The following ARHGAP10 variants were observed in gnomAD, a reference collection of about 807,000 sequenced individuals.
ARHGAP10 encodes rho GTPase-activating protein 10.
A neutral mutation model predicts 108.6 loss-of-function variants in ARHGAP10; 87 were observed. The ratio of observed to expected loss-of-function variants is 0.80; its 90% confidence interval spans 0.67 to 0.96. The LOEUF is 0.96. Among genes scored for constraint, ARHGAP10 ranks in the 40% least tolerant of loss-of-function variants. The probability of loss-of-function intolerance (pLI) is 0.00; values close to 1 mark genes in which losing one functional copy is unlikely to be tolerated. For synonymous variants in ARHGAP10, 347 were observed against 341.1 expected, an observed-to-expected ratio of 1.02 and a Z score of -0.19; for missense variants, 939 against 954.5, an observed-to-expected ratio of 0.98 and a Z score of 0.21.
At position 148,059,096 on chromosome 4, in the gene ARHGAP10, A is replaced by G. The variant is rs564429015; in HGVS notation, c.2028-4052A>G. On this transcript the variant is annotated intron_variant, in intron 20 of 22. Transcript: ENST00000336498. ...CTTTTAGTGAAACACTCTTGTTTCTATTTGTCCCCTTTCTTTGAGAAAGAA... is the reference window on the plus strand; with the variant it reads ...CTTTTAGTGAAACACTCTTGTTTCTGTTTGTCCCCTTTCTTTGAGAAAGAA... 9.9e-5 allele frequency among the ~76,000 whole-genome samples: 15 copies of G among 152,282 alleles called. No individual in the cohort carries two copies. In the South Asian group the frequency reaches 3.1e-3, roughly 32 times the overall value.
intron 1 of ARHGAP10, among the ~76,000 whole-genome samples, chr4:147,746,404 CT>C (rs557860855): frequency 0.042 from 5,494 of 131,344 alleles, 193 homozygotes; most frequent in African/African-American, 0.094. Flanking sequence ...GCCAGGCCTG[CT>C]TTTTTTTTTT....
chr4:147,954,671 C>A (rs1211152117), intron 15 of ARHGAP10, among the ~76,000 whole-genome samples: 1 of 151,876 alleles, frequency 6.6e-6, no homozygotes, highest in Admixed American at 6.6e-5. Context: ...TTGCTCTGAT[C>A]TTTTATAATT....
chr4:147,788,902 A>T (rs1731003138), intron 1 of ARHGAP10, among the ~76,000 whole-genome samples: 1 of 152,246 alleles, frequency 6.6e-6, no homozygotes, highest in African/African-American at 2.4e-5. Context: ...GATGGAATAA[A>T]ACCAGGTTTT....
intron 1 of ARHGAP10, among the ~76,000 whole-genome samples, chr4:147,762,755 C>T (rs1015763044): frequency 6.6e-6 from 1 of 151,924 alleles, no homozygotes; most frequent in African/African-American, 2.4e-5. Context: ...TGGTCTCGAT[C>T]TCCTGACCTT....
At chr4:147,925,600 C>T (rs1737432638) in intron 13 of ARHGAP10, among the ~76,000 whole-genome samples, 1 of 152,156 alleles carries the variant, frequency 6.6e-6, no homozygotes. Flanking sequence ...GTATTTCTTA[C>T]AGGGAAGGTA....
chr4:147,934,886 T>C (rs955876239), intron 13 of ARHGAP10, among the ~76,000 whole-genome samples: 5 of 152,210 alleles, frequency 3.3e-5, no homozygotes, highest in African/African-American at 1.2e-4. Flanking sequence ...GAATCAATTA[T>C]GAGTTATGTT....
intron 5 of ARHGAP10, 58 bp from the exon 6 acceptor site, chr4:147,864,788 T>C (rs1734481425): frequency 6.7e-7 from 1 of 1,491,536 alleles, no homozygotes; most frequent in Admixed American, 1.7e-5. Flanking sequence ...TGACCTCTGA[T>C]GTAGCGTTTC....
At chr4:147,994,035 C>T (rs1578769591) in intron 18 of ARHGAP10, among the ~76,000 whole-genome samples, 1 of 152,224 alleles carries the variant, frequency 6.6e-6, no homozygotes, top group East Asian at 1.9e-4. Context: ...CAAGGTCACA[C>T]AGCTTGCTTT....
chr4:147,912,409 C>T (rs997859637), intron 12 of ARHGAP10, among the ~76,000 whole-genome samples: 27 of 151,096 alleles, frequency 1.8e-4, no homozygotes, highest in Middle Eastern at 3.4e-3. Context: ...GGCTTGGTGG[C>T]GGGCACCTGT....
intron 20 of ARHGAP10, among the ~76,000 whole-genome samples, chr4:148,060,177 G>A (rs926573382): frequency 6.6e-6 from 1 of 152,088 alleles, no homozygotes; most frequent in African/African-American, 2.4e-5. Context: ...AAGGGAAAGA[G>A]AATATCAGAA....
intron 1 of ARHGAP10, among the ~76,000 whole-genome samples, chr4:147,748,091 A>G (rs1365846516): frequency 6.6e-6 from 1 of 152,240 alleles, no homozygotes; most frequent in African/African-American, 2.4e-5. Context: ...ACTCTGCCTT[A>G]GAAATAGGGA....
chr4:147,775,152 ATCCACTCGCC>A (rs1314942174), intron 1 of ARHGAP10, among the ~76,000 whole-genome samples: 1 of 151,980 alleles, frequency 6.6e-6, no homozygotes, highest in Non-Finnish European at 1.5e-5. Flanking sequence ...TGACCTCGTG[ATCCACTCGCC>A]TCGGCCCCCC....
chr4:147,763,230 A>G (rs911927320), intron 1 of ARHGAP10, among the ~76,000 whole-genome samples: 1 of 151,800 alleles, frequency 6.6e-6, no homozygotes, highest in African/African-American at 2.4e-5. Context: ...AAGTTTAGCT[A>G]TTGTTAAACA....
chr4:147,891,840 G>A (rs1735805219), intron 10 of ARHGAP10, among the ~76,000 whole-genome samples: 1 of 152,140 alleles, frequency 6.6e-6, no homozygotes, highest in Admixed American at 6.5e-5. Context: ...CTGTCAGGAG[G>A]TGTAGCTTTC....
chr4:147,816,684 GAGTT>G (rs1289802592), intron 1 of ARHGAP10, among the ~76,000 whole-genome samples: 1 of 152,208 alleles, frequency 6.6e-6, no homozygotes, highest in Non-Finnish European at 1.5e-5. Context: ...TCTAAAAAAT[GAGTT>G]AGTTATTTGC....
At chr4:147,892,716 G>T (rs926344700) in intron 10 of ARHGAP10, among the ~76,000 whole-genome samples, 2 of 152,224 alleles carry the variant, frequency 1.3e-5, no homozygotes, top group African/African-American at 4.8e-5. Flanking sequence ...GGAATCACAG[G>T]AAGTATGGAG....
intron 19 of ARHGAP10, among the ~76,000 whole-genome samples, chr4:148,030,347 C>T (rs145887773): frequency 5.3e-4 from 81 of 152,218 alleles, no homozygotes; most frequent in Non-Finnish European, 6.5e-4. Context: ...ACTCTTGTGG[C>T]GTAGGAGGTA....
chr4:147,773,271 T>C (rs532986642), intron 1 of ARHGAP10, among the ~76,000 whole-genome samples: 14 of 152,328 alleles, frequency 9.2e-5, no homozygotes, highest in East Asian at 1.9e-4. Context: ...ATGTCTTCTT[T>C]TAAACACTTT....
chr4:147,993,687 A>G (rs1215849596), intron 18 of ARHGAP10, among the ~76,000 whole-genome samples: 1 of 152,242 alleles, frequency 6.6e-6, no homozygotes, highest in Non-Finnish European at 1.5e-5. Context: ...CATTTCTGCA[A>G]TTTAAAGACT....
Sources: allele counts gnomAD v4.1 joint callset (sites outside exome capture counted in the v4.1 genomes callset), GRCh38; gene constraint gnomAD v4.1.1; transcripts MANE v1.5; gene names NCBI Gene and HGNC (gene_info 2026-07-23, HGNC 2026-07-21).